The following DNAH6 variants were observed in gnomAD, a reference collection of about 807,000 sequenced individuals.
DNAH6 encodes the protein axonemal beta dynein heavy chain 6.
In DNAH6, 340 loss-of-function variants were observed where a neutral mutation model predicts 491.4. The observed-to-expected ratio is 0.69, with a 90% CI of 0.63 to 0.76. The LOEUF (loss-of-function observed/expected upper bound fraction) is 0.76, where lower values mean the gene tolerates loss of function less well. DNAH6 is among the 30% of genes least tolerant of loss of function. DNAH6 has a pLI of 0.00. For synonymous variants in DNAH6, 1,603 were observed against 1,686.1 expected (o/e 0.95, Z 1.21); for missense variants, 4,443 against 4,972.2 (o/e 0.89, Z 3.20).
intron 60 of DNAH6, 79 bp from the exon 61 acceptor site, chr2:84,727,590 G>A (rs528334049): frequency 3.9e-5 from 34 of 880,210 alleles, no homozygotes; most frequent in Admixed American, 1.1e-4. Context: ...CACTGAATGC[G>A]AACAAGGGAG....
Position 84,797,629 on chromosome 2 carries a change from A to G in DNAH6, c.11452A>G (p.Met3818Val). ...PLIDDPEIFG[M>V]HENANLVFQY... ...GATCGATGACCCAGAAATTTTTGGAATGCATGAAAATGCTAATCTAGTCTT... is the reference window on the plus strand; with the variant it reads ...GATCGATGACCCAGAAATTTTTGGAGTGCATGAAAATGCTAATCTAGTCTT... Residue 3818 changes from methionine to valine, a missense_variant, in exon 70 of 77, where the codon ATG becomes GTG. Around this residue, in one of 3 missense-constraint regions of DNAH6, gnomAD observed 1,463 missense variants for 1,656.6 expected, o/e 0.88. Transcript: ENST00000389394. The G allele has an allele frequency of 6.4e-7, 1 of 1,551,368 alleles. No homozygotes were observed. The highest frequency in any genetic ancestry group is 8.7e-7 in the Non-Finnish European group (1 of 1,146,708).
chr2:84,619,584 G>T, intron 23 of DNAH6, 101 bp from the exon 24 acceptor site: 1 of 1,031,856 alleles, frequency 9.7e-7, no homozygotes, highest in Non-Finnish European at 1.4e-6. Flanking sequence ...CCAGGAAATT[G>T]GTGGACAGGG....
chr2:84,511,035 G>C, the DNAH6 span, among the ~76,000 whole-genome samples: 1 of 152,216 alleles, frequency 6.6e-6, no homozygotes, highest in Non-Finnish European at 1.5e-5. Flanking sequence ...ACCCACTTGA[G>C]GAGGCAGTCT....
At chr2:84,737,494 TGAACTTCA>T (rs1336805396) in intron 62 of DNAH6, among the ~76,000 whole-genome samples, 1 of 152,032 alleles carries the variant, frequency 6.6e-6, no homozygotes, top group East Asian at 1.9e-4. Flanking sequence ...TATTCCTGAT[TGAACTTCA>T]TTACTCATCA....
the DNAH6 span, among the ~76,000 whole-genome samples, chr2:84,506,998 C>T: frequency 1.1e-4 from 17 of 152,268 alleles, no homozygotes; most frequent in African/African-American, 2.2e-4. Context: ...AGTCAGGTAG[C>T]GTGATGCCTC....
intron 29 of DNAH6, 123 bp from the exon 30 acceptor site, chr2:84,634,381 C>A: frequency 1.9e-6 from 2 of 1,033,032 alleles, no homozygotes; most frequent in Non-Finnish European, 2.6e-6. Flanking sequence ...CCAGTATTCA[C>A]ATAAAACTAT....
In DNAH6 at chr2:84,561,962, G is replaced by A. The variant is rs1013628021; in HGVS notation, c.1803+4027G>A. ...TTGGGGGAAAAAAGCTGATGCTGATGGGGAATATTTAACATATTTAATTGT... is the reference window on the plus strand; with the variant it reads ...TTGGGGGAAAAAAGCTGATGCTGATAGGGAATATTTAACATATTTAATTGT... On this transcript the variant is annotated intron_variant, in intron 11 of 76. Transcript: ENST00000389394. 6.6e-5 allele frequency among the ~76,000 whole-genome samples: 10 copies of A among 152,014 alleles called. No homozygotes were observed. In the South Asian group the frequency reaches 1.0e-3, roughly 16 times the overall value.
At chr2:84,733,402 A>G (rs1219776658) in intron 61 of DNAH6, 42 bp from the exon 62 acceptor site, 3 of 1,529,694 alleles carry the variant, frequency 2.0e-6, no homozygotes, top group South Asian at 1.2e-5. Flanking sequence ...ATATTTTGTG[A>G]TTGCCTTTGT....
intron 48 of DNAH6, among the ~76,000 whole-genome samples, chr2:84,700,387 T>C (rs2104820620): frequency 6.6e-6 from 1 of 152,244 alleles, no homozygotes; most frequent in Admixed American, 6.5e-5. Flanking sequence ...TAAGAGGTCA[T>C]TGAAGTTCTG....
At chr2:84,709,230 G>A in intron 54 of DNAH6, 113 bp from the exon 55 acceptor site, 1 of 1,057,772 alleles carries the variant, frequency 9.5e-7, no homozygotes, top group Non-Finnish European at 1.4e-6. Context: ...TGTGGAGACT[G>A]GGAGGGCTTA....
intron 71 of DNAH6, among the ~76,000 whole-genome samples, chr2:84,808,075 T>C (rs1679601752): frequency 6.6e-6 from 1 of 151,692 alleles, no homozygotes; most frequent in Non-Finnish European, 1.5e-5. Context: ...GAACATGCTT[T>C]AAGGGAAGAA....
At chr2:84,626,898 G>T (rs765991490) in intron 29 of DNAH6, among the ~76,000 whole-genome samples, 1 of 152,252 alleles carries the variant, frequency 6.6e-6, no homozygotes, top group East Asian at 1.9e-4. Flanking sequence ...GAGCCACCGC[G>T]CCCGGCCAGA....
intron 60 of DNAH6, among the ~76,000 whole-genome samples, chr2:84,727,214 A>T (rs756762412): frequency 1.4e-4 from 22 of 152,242 alleles, no homozygotes; most frequent in African/African-American, 4.8e-4. Flanking sequence ...TCACATCAAG[A>T]TGATGCCTCT....
At position 84,709,423 on chromosome 2, in the gene DNAH6, A is replaced by C; in HGVS notation, c.9129A>C (p.Gly3043=). 6.4e-7 allele frequency: 1 copy of C among 1,551,654 alleles called. No individual in the cohort carries two copies. Among genetic ancestry groups the C allele is most frequent in the Non-Finnish European group, 8.7e-7 (1 of 1,146,996 alleles). ...DPSFSLINIL[G]DPYEIRQWNT... is the part of the protein sequence containing the mutation. Reference sequence around the variant, plus strand: ...CCTTCAGTCTCATTAACATTCTTGGAGATCCCTACGAGATACGGCAGTGGA... The same window carrying C: ...CCTTCAGTCTCATTAACATTCTTGGCGATCCCTACGAGATACGGCAGTGGA... Residue 3043 remains glycine (G), a synonymous_variant, in exon 55 of 77, where the codon GGA becomes GGC. Transcript: ENST00000389394.
intron 46 of DNAH6, among the ~76,000 whole-genome samples, chr2:84,696,724 T>A (rs1361594024): frequency 6.6e-6 from 1 of 152,206 alleles, no homozygotes; most frequent in East Asian, 1.9e-4. Context: ...ACTCAAACTT[T>A]TATATAACTA....
chr2:84,499,176 C>A, the DNAH6 span, among the ~76,000 whole-genome samples: 21 of 152,112 alleles, frequency 1.4e-4, no homozygotes, highest in East Asian at 3.3e-3. Flanking sequence ...ACCATCCCCA[C>A]CTCCCCACAA....
In DNAH6 at chr2:84,816,889, G is replaced by A. The variant is rs547082958; in HGVS notation, c.12373+806G>A. On this transcript the variant is annotated intron_variant, in intron 76 of 76. Coordinates refer to ENST00000389394, the MANE Select transcript of DNAH6 (RefSeq NM_001370.2). ...AGAATGAGAAGAGAGAATGAACTGG[G>A]AAAATCGCCTTGAATACAGCACAGT... 9.2e-5 allele frequency among the ~76,000 whole-genome samples: 14 copies of A among 152,272 alleles called. No individual in the cohort carries two copies. In the South Asian group the frequency reaches 2.7e-3, roughly 29 times the overall value.
intron 4 of DNAH6, among the ~76,000 whole-genome samples, chr2:84,530,392 A>G (rs1427168958): frequency 6.6e-6 from 1 of 152,156 alleles, no homozygotes; most frequent in East Asian, 1.9e-4. Context: ...AGTTATGAGC[A>G]TTCCAGGCAG....
chr2:84,709,969 T>C (rs1322642110), intron 55 of DNAH6, among the ~76,000 whole-genome samples: 1 of 152,200 alleles, frequency 6.6e-6, no homozygotes, highest in Non-Finnish European at 1.5e-5. Context: ...CCTAAGTTCA[T>C]GGATCAGGTT....
Sources: gnomAD v4.1 joint callset for allele counts (sites outside exome capture counted in the v4.1 genomes callset) on GRCh38, gnomAD v4.1.1 for gene constraint, gnomAD v4.1.1 regional missense constraint, MANE v1.5 for transcripts, NCBI Gene and HGNC (gene_info 2026-07-23, HGNC 2026-07-21) for gene names.